Variants in ZNF804B observed in about 807,000 individuals in gnomAD.
ZNF804B encodes zinc finger protein 804B.
Under a neutral mutation model 101.4 loss-of-function variants are expected in ZNF804B, and 80 were observed. The ratio of observed to expected loss-of-function variants is 0.79; its 90% CI spans 0.66 to 0.95. The LOEUF (loss-of-function observed/expected upper bound fraction) is 0.95, where lower values mean the gene tolerates loss of function less well. Among genes scored for constraint, ZNF804B ranks in the 40% least tolerant of loss-of-function variants. ZNF804B has a pLI of 0.00. For missense variants in ZNF804B, 1,673 were observed against 1,561.9 expected, an observed-to-expected ratio of 1.07 and a Z score of -1.20; for synonymous variants, 622 against 558.8, an observed-to-expected ratio of 1.11 and a Z score of -1.59.
intron 1 of ZNF804B, among the ~76,000 whole-genome samples, chr7:89,072,446 A>G (rs1358475236): frequency 6.6e-6 from 1 of 152,156 alleles, no homozygotes; most frequent in Non-Finnish European, 1.5e-5. Context: ...CTACATTTCA[A>G]CTATTCTTTG....
intron 1 of ZNF804B, among the ~76,000 whole-genome samples, chr7:88,909,000 A>C (rs891408076): frequency 6.6e-6 from 1 of 151,820 alleles, no homozygotes; most frequent in Admixed American, 6.6e-5. Context: ...TTTTATGGCA[A>C]GTATCTTGAC....
chr7:89,271,744 A>G (rs1042964780), intron 2 of ZNF804B, among the ~76,000 whole-genome samples: 1 of 152,092 alleles, frequency 6.6e-6, no homozygotes, highest in African/African-American at 2.4e-5. Context: ...CCTCAATTTC[A>G]GAGCCTGTTA....
chr7:89,081,491 G>T (rs1175586406), intron 1 of ZNF804B, among the ~76,000 whole-genome samples: 1 of 151,718 alleles, frequency 6.6e-6, no homozygotes, highest in Non-Finnish European at 1.5e-5. Context: ...CCTAAGGCTG[G>T]TTTAGATCCC....
chr7:89,037,109 T>C (rs1049206112), intron 1 of ZNF804B, among the ~76,000 whole-genome samples: 1 of 152,130 alleles, frequency 6.6e-6, no homozygotes, highest in African/African-American at 2.4e-5. Flanking sequence ...GCAGATGTTA[T>C]CAGTTAATCA....
At chr7:88,817,063 T>G (rs868404347) in intron 1 of ZNF804B, among the ~76,000 whole-genome samples, 2 of 152,168 alleles carry the variant, frequency 1.3e-5, no homozygotes, top group Admixed American at 1.3e-4. Context: ...TAAAAAATGA[T>G]GAGTTCATGT....
intron 1 of ZNF804B, among the ~76,000 whole-genome samples, chr7:88,989,379 C>G (rs1793810748): frequency 6.6e-6 from 1 of 152,034 alleles, no homozygotes; most frequent in African/African-American, 2.4e-5. Context: ...AGTCTTTATT[C>G]CTATAAGATA....
intron 1 of ZNF804B, among the ~76,000 whole-genome samples, chr7:88,886,056 A>G (rs1228853103): frequency 6.6e-6 from 1 of 152,164 alleles, no homozygotes; most frequent in African/African-American, 2.4e-5. Flanking sequence ...CCACAAATAT[A>G]TATCTTACAT....
At chr7:88,819,055 T>G (rs1382259798) in intron 1 of ZNF804B, among the ~76,000 whole-genome samples, 1 of 152,148 alleles carries the variant, frequency 6.6e-6, no homozygotes, top group African/African-American at 2.4e-5. Context: ...GATAGTAGCG[T>G]GATTGACTGT....
chr7:89,279,802 T>C (rs1230638129), intron 2 of ZNF804B, among the ~76,000 whole-genome samples: 1 of 151,960 alleles, frequency 6.6e-6, no homozygotes, highest in Non-Finnish European at 1.5e-5. Context: ...AGGATATTGG[T>C]CTAAAATTCT....
chr7:89,305,777 G>A (rs1308722062), intron 2 of ZNF804B, among the ~76,000 whole-genome samples: 3 of 151,786 alleles, frequency 2.0e-5, no homozygotes, highest in Non-Finnish European at 1.5e-5. Flanking sequence ...ATTTTTGAAA[G>A]AGGATATTTT....
At chr7:88,958,946 G>T (rs1793353064) in intron 1 of ZNF804B, among the ~76,000 whole-genome samples, 2 of 151,386 alleles carry the variant, frequency 1.3e-5, no homozygotes, top group African/African-American at 4.8e-5. Flanking sequence ...TCCGAAAGTG[G>T]AATCTTTGTT....
chr7:88,891,444 C>G (rs1224119852), intron 1 of ZNF804B, among the ~76,000 whole-genome samples: 1 of 151,942 alleles, frequency 6.6e-6, no homozygotes, highest in Non-Finnish European at 1.5e-5. Flanking sequence ...TTATTCAAAC[C>G]TTACATGTCC....
At chr7:88,826,523 G>C (rs925777445) in intron 1 of ZNF804B, among the ~76,000 whole-genome samples, 3 of 152,098 alleles carry the variant, frequency 2.0e-5, no homozygotes, top group Non-Finnish European at 4.4e-5. Context: ...GACTTCAGCA[G>C]GGGTCTAATT....
At chr7:89,232,398 G>A (rs746320838) in intron 2 of ZNF804B, among the ~76,000 whole-genome samples, 60 of 152,252 alleles carry the variant, frequency 3.9e-4, no homozygotes, top group South Asian at 8.3e-4. Context: ...CTTGAGATAT[G>A]TGTGTGGCTC....
chr7:89,223,828 T>G (rs186968381), intron 2 of ZNF804B, among the ~76,000 whole-genome samples: 1 of 152,056 alleles, frequency 6.6e-6, no homozygotes, highest in East Asian at 1.9e-4. Flanking sequence ...TAGCTCACGT[T>G]TTTGGAAACA....
chr7:88,993,996 T>C (rs1187427394), intron 1 of ZNF804B, among the ~76,000 whole-genome samples: 2 of 152,018 alleles, frequency 1.3e-5, no homozygotes, highest in Non-Finnish European at 2.9e-5. Context: ...TATAGGCTGA[T>C]GTATTCACTT....
Position 89,335,731 on chromosome 7 carries a change from G to A in ZNF804B, c.2749G>A (p.Glu917Lys), listed in dbSNP as rs746247678. Residue 917 changes from glutamate (E) to lysine (K), a missense_variant, in exon 4 of 4, where the codon GAA (glutamate) becomes AAA (lysine). Glu to Lys is a moderately conservative substitution (Grantham distance 56). Coordinates refer to ENST00000333190, the MANE Select transcript of ZNF804B (RefSeq NM_181646.5). Reference sequence around the variant, plus strand: ...AGAAACCACAGAATCAAACACTGCAGAAGGAGAGAGGACCCCTCTAACAGC... The same window carrying A: ...AGAAACCACAGAATCAAACACTGCAAAAGGAGAGAGGACCCCTCTAACAGC... ...PSETTESNTA[E>K]GERTPLTAKI... is the part of the protein sequence containing the mutation. The A allele has an allele frequency of 1.9e-6, 3 of 1,614,036 alleles. No homozygotes were observed. Among genetic ancestry groups the A allele is most frequent in the Non-Finnish European group, 2.5e-6 (3 of 1,179,970 alleles).
chr7:88,962,536 A>C (rs1267566063), intron 1 of ZNF804B, among the ~76,000 whole-genome samples: 1 of 150,740 alleles, frequency 6.6e-6, no homozygotes, highest in Non-Finnish European at 1.5e-5. Context: ...TAGAAGGAAC[A>C]TTCTCCATGA....
intron 1 of ZNF804B, among the ~76,000 whole-genome samples, chr7:88,902,788 G>A (rs867699539): frequency 2.0e-5 from 3 of 151,854 alleles, no homozygotes; most frequent in Middle Eastern, 3.4e-3. Flanking sequence ...TTTAAAATAT[G>A]GATACGTATC....
Sources: allele counts gnomAD v4.1 joint callset (sites outside exome capture counted in the v4.1 genomes callset), GRCh38; gene constraint gnomAD v4.1.1; transcripts MANE v1.5; gene names NCBI Gene and HGNC (gene_info 2026-07-23, HGNC 2026-07-21).